Variants in MTHFD1L observed in about 807,000 individuals in gnomAD.
The protein encoded by MTHFD1L is monofunctional C1-tetrahydrofolate synthase, mitochondrial.
A neutral mutation model predicts 119.5 loss-of-function variants in MTHFD1L; 81 were observed. The ratio of observed to expected loss-of-function variants is 0.68; its 90% CI spans 0.57 to 0.82. MTHFD1L has a LOEUF of 0.82. MTHFD1L is among the 40% of genes least tolerant of loss of function. The pLI, the probability that MTHFD1L is intolerant of heterozygous loss-of-function variation, is 0.00. For missense variants in MTHFD1L, 1,125 were observed against 1,253.4 expected, an observed-to-expected ratio of 0.90 and a Z score of 1.55; for synonymous variants, 430 against 475.2, an observed-to-expected ratio of 0.90 and a Z score of 1.24.
intron 20 of MTHFD1L, among the ~76,000 whole-genome samples, chr6:150,994,584 C>G (rs931296228): frequency 2.6e-5 from 4 of 152,206 alleles, no homozygotes; most frequent in Admixed American, 2.0e-4. Context: ...GACTTCTCTA[C>G]ACAGACATGA....
Position 150,912,893 on chromosome 6 carries a change from A to G in MTHFD1L, c.893-5684A>G, listed in dbSNP as rs550657756. The G allele has an allele frequency of 1.8e-5, 3 of 165,504 alleles. No individual in the cohort carries two copies. In the South Asian group the frequency reaches 4.7e-4, roughly 26 times the overall value. 10.3% of individuals were successfully genotyped at this position (165,504 alleles called of 1,614,324 possible). ...CCCCTACACGGGCAGGGGGTGAAAT[A>G]ATGATTCCCTTTCTTAATTTTCTTT... On this transcript the variant is annotated intron_variant, in intron 8 of 27. Transcript: ENST00000367321.
chr6:150,927,762 C>A (rs1379606529), intron 11 of MTHFD1L, among the ~76,000 whole-genome samples: 1 of 152,020 alleles, frequency 6.6e-6, no homozygotes, highest in African/African-American at 2.4e-5. Flanking sequence ...TGGCCACATC[C>A]CAGATTCTTA....
chr6:150,934,704 T>C (rs57654596), intron 11 of MTHFD1L, among the ~76,000 whole-genome samples: 1,534 of 152,328 alleles, frequency 0.01, 24 homozygotes, highest in African/African-American at 0.035. Context: ...TGGTTGAGTA[T>C]CCTTGACAAC....
chr6:150,903,445 CTTGCCCTG>C (rs1204455925), intron 7 of MTHFD1L, among the ~76,000 whole-genome samples: 9 of 152,018 alleles, frequency 5.9e-5, no homozygotes, highest in Admixed American at 5.2e-4. Context: ...GAGACAGGGT[CTTGCCCTG>C]TTGCCCAGGC....
At chr6:150,923,426 G>T (rs1470100779) in intron 10 of MTHFD1L, among the ~76,000 whole-genome samples, 1 of 151,752 alleles carries the variant, frequency 6.6e-6, no homozygotes, top group African/African-American at 2.4e-5. Context: ...CATAATACTA[G>T]GTGTGCATCC....
chr6:150,949,512 C>T (rs1794545429), intron 16 of MTHFD1L, among the ~76,000 whole-genome samples: 2 of 152,162 alleles, frequency 1.3e-5, no homozygotes, highest in Non-Finnish European at 2.9e-5. Context: ...CACCCACCAT[C>T]CCACCTTCTT....
At chr6:151,042,017 C>T (rs2128552527) in intron 26 of MTHFD1L, 1 of 359,836 alleles carries the variant, frequency 2.8e-6, no homozygotes, top group African/African-American at 2.2e-5. Context: ...TTAATTATTG[C>T]TTTAATTGGC....
At chr6:151,058,381 C>G (rs1790239000) in intron 26 of MTHFD1L, among the ~76,000 whole-genome samples, 1 of 152,182 alleles carries the variant, frequency 6.6e-6, no homozygotes, top group Non-Finnish European at 1.5e-5. Context: ...TTTGTCCTGG[C>G]AAAGGCTGCA....
intron 7 of MTHFD1L, among the ~76,000 whole-genome samples, chr6:150,900,598 C>T (rs1784952711): frequency 6.6e-6 from 1 of 152,224 alleles, no homozygotes; most frequent in Admixed American, 6.5e-5. Flanking sequence ...ATCTCAGTAT[C>T]TTGCTTTTCC....
intron 4 of MTHFD1L, among the ~76,000 whole-genome samples, chr6:150,882,093 G>A (rs531795590): frequency 1.2e-4 from 18 of 152,318 alleles, no homozygotes; most frequent in African/African-American, 4.3e-4. Flanking sequence ...CTTATTTAGA[G>A]ACACACCCAG....
chr6:150,931,214 G>A (rs1368325503), intron 11 of MTHFD1L, among the ~76,000 whole-genome samples: 2 of 150,802 alleles, frequency 1.3e-5, no homozygotes, highest in African/African-American at 4.9e-5. Context: ...ACTGATCTGG[G>A]AATAGACTGA....
At chr6:150,873,775 C>T (rs188862139) in intron 1 of MTHFD1L, among the ~76,000 whole-genome samples, 1 of 152,254 alleles carries the variant, frequency 6.6e-6, no homozygotes, top group African/African-American at 2.4e-5. Flanking sequence ...TCAAGTGATT[C>T]TCCTGCCTCA....
intron 7 of MTHFD1L, among the ~76,000 whole-genome samples, chr6:150,900,009 TA>T (rs1482167702): frequency 7.4e-5 from 11 of 147,988 alleles, no homozygotes; most frequent in Non-Finnish European, 1.6e-4. Flanking sequence ...TATATTATAT[TA>T]TATATTATAT....
intron 16 of MTHFD1L, among the ~76,000 whole-genome samples, chr6:150,954,961 C>G (rs1400684483): frequency 6.6e-6 from 1 of 152,102 alleles, no homozygotes; most frequent in African/African-American, 2.4e-5. Flanking sequence ...GGTACTTGCT[C>G]TATTCACCAT....
chr6:151,030,997 A>G (rs1472587393), intron 24 of MTHFD1L, among the ~76,000 whole-genome samples: 2 of 152,352 alleles, frequency 1.3e-5, no homozygotes, highest in East Asian at 1.9e-4. Context: ...CCTGGGCAAC[A>G]TGGTGAGACC....
At chr6:150,876,237 G>A (rs760605226) in intron 2 of MTHFD1L, 63 bp downstream of exon 2, 15 of 1,271,840 alleles carry the variant, frequency 1.2e-5, no homozygotes, top group Middle Eastern at 2.8e-4. Context: ...GAAAATGATT[G>A]TATACAAAAG....
At chr6:151,096,927 C>A (rs1216843886) in intron 27 of MTHFD1L, among the ~76,000 whole-genome samples, 1 of 152,188 alleles carries the variant, frequency 6.6e-6, no homozygotes, top group Non-Finnish European at 1.5e-5. Flanking sequence ...TCTGTAGTGC[C>A]TTCACTGTGG....
intron 20 of MTHFD1L, among the ~76,000 whole-genome samples, chr6:150,985,425 C>T (rs1778146485): frequency 6.6e-6 from 1 of 152,006 alleles, no homozygotes; most frequent in Admixed American, 6.5e-5. Flanking sequence ...CCTGTAATCC[C>T]AGCACTTTGG....
chr6:151,093,371 G>A (rs1794617381), intron 27 of MTHFD1L, among the ~76,000 whole-genome samples: 2 of 116,470 alleles, frequency 1.7e-5, no homozygotes, highest in Non-Finnish European at 3.6e-5. Flanking sequence ...TGATTACTCT[G>A]CAAAGACCCT....
Sources: allele counts gnomAD v4.1 joint callset (sites outside exome capture counted in the v4.1 genomes callset), GRCh38; gene constraint gnomAD v4.1.1; transcripts MANE v1.5; gene names NCBI Gene and HGNC (gene_info 2026-07-23, HGNC 2026-07-21).